Variants in XKR6 observed in about 807,000 individuals in gnomAD.
XKR6 encodes the protein XK related 6.
Under a neutral mutation model 56.7 loss-of-function variants are expected in XKR6, and 22 were observed. The ratio of observed to expected loss-of-function variants is 0.39; its 90% confidence interval spans 0.28 to 0.55. The LOEUF is 0.55. Ranked by LOEUF, XKR6 falls within the 20% of genes least tolerant of loss-of-function variation. The pLI is 0.66. For synonymous variants in XKR6, 524 were observed against 387.8 expected, an observed-to-expected ratio of 1.35 and a Z score of -4.13; for missense variants, 852 against 889.0, an observed-to-expected ratio of 0.96 and a Z score of 0.53.
At chr8:10,958,560 C>T (rs1027061609) in intron 1 of XKR6, among the ~76,000 whole-genome samples, 3 of 152,090 alleles carry the variant, frequency 2.0e-5, no homozygotes, top group Non-Finnish European at 4.4e-5. Flanking sequence ...TGCCAGCACC[C>T]ATGAGGGAAA....
intron 1 of XKR6, among the ~76,000 whole-genome samples, chr8:11,038,399 T>G (rs1563361758): frequency 6.6e-6 from 1 of 152,010 alleles, no homozygotes; most frequent in Non-Finnish European, 1.5e-5. Context: ...TATAATTAAA[T>G]CAGAGAGCAG....
In XKR6 at chr8:11,067,393, TCTC is replaced by T. The variant is rs377457638; in HGVS notation, c.764+133180_764+133182del. Among the ~76,000 whole-genome samples, 16 of 152,274 alleles carry T rather than the reference TCTC, an allele frequency of 1.1e-4. No individual in the cohort carries two copies. In the East Asian group the frequency reaches 1.4e-3, roughly 13 times the overall value. On this transcript the variant is annotated intron_variant, in intron 1 of 2. Transcript: ENST00000416569. The stretch of plus-strand genomic sequence containing the variant: ...CCCGGGTGATCTCAACCCAGGCACT[TCTC>T]CTCGAAGCATCAGAGTCCCATTTGA...
At chr8:11,099,499 G>A (rs1424162117) in intron 1 of XKR6, among the ~76,000 whole-genome samples, 2 of 152,230 alleles carry the variant, frequency 1.3e-5, no homozygotes, top group Non-Finnish European at 2.9e-5. Flanking sequence ...AGCCCTGCCT[G>A]GAGAGCGAGC....
chr8:11,071,120 AT>A (rs992484236), intron 1 of XKR6, among the ~76,000 whole-genome samples: 8 of 152,212 alleles, frequency 5.3e-5, no homozygotes, highest in Non-Finnish European at 8.8e-5. Flanking sequence ...CTCATATCAC[AT>A]TCTCAAAGCT....
chr8:11,089,202 C>T (rs1331520350), intron 1 of XKR6, among the ~76,000 whole-genome samples: 3 of 152,146 alleles, frequency 2.0e-5, no homozygotes, highest in African/African-American at 7.2e-5. Flanking sequence ...GTGTTCAGAC[C>T]TTGTCTGATC....
At chr8:11,167,876 A>T (rs1230635044) in intron 1 of XKR6, among the ~76,000 whole-genome samples, 2 of 148,290 alleles carry the variant, frequency 1.3e-5, no homozygotes, top group African/African-American at 5.0e-5. Context: ...GTGACAGAGT[A>T]AGACCCCATC....
At chr8:11,088,892 G>T (rs368357412) in intron 1 of XKR6, among the ~76,000 whole-genome samples, 3 of 152,202 alleles carry the variant, frequency 2.0e-5, no homozygotes, top group African/African-American at 7.2e-5. Flanking sequence ...TTTGTGAAAG[G>T]TGTGATTATT....
intron 1 of XKR6, among the ~76,000 whole-genome samples, chr8:10,948,818 G>C (rs1160804436): frequency 1.3e-5 from 2 of 152,242 alleles, no homozygotes; most frequent in African/African-American, 4.8e-5. Context: ...CATCTGTGTT[G>C]CTTCCTGGGG....
intron 2 of XKR6, among the ~76,000 whole-genome samples, chr8:10,910,352 C>T (rs12550303): frequency 1.3e-5 from 2 of 152,072 alleles, no homozygotes; most frequent in Admixed American, 6.5e-5. Context: ...AAGAATTCCC[C>T]CTGAGAAGTG....
At chr8:11,045,503 T>G (rs1269626085) in intron 1 of XKR6, among the ~76,000 whole-genome samples, 1 of 152,234 alleles carries the variant, frequency 6.6e-6, no homozygotes, top group African/African-American at 2.4e-5. Flanking sequence ...AGGGTCTGTG[T>G]GACTAGTTAT....
intron 1 of XKR6, among the ~76,000 whole-genome samples, chr8:11,148,080 T>A (rs1801080559): frequency 6.6e-6 from 1 of 151,932 alleles, no homozygotes; most frequent in Middle Eastern, 3.2e-3. Flanking sequence ...CGTGGTGGCA[T>A]GCACCTGTAG....
intron 1 of XKR6, among the ~76,000 whole-genome samples, chr8:11,130,330 T>C (rs1156690661): frequency 6.6e-6 from 1 of 152,116 alleles, no homozygotes; most frequent in Non-Finnish European, 1.5e-5. Flanking sequence ...TTCGGGATTT[T>C]TACGTTTTCC....
intron 1 of XKR6, among the ~76,000 whole-genome samples, chr8:11,090,218 G>C (rs992087344): frequency 1.3e-5 from 2 of 152,112 alleles, no homozygotes; most frequent in African/African-American, 4.8e-5. Context: ...TCACGTAGCT[G>C]AGACTAGAGG....
At chr8:10,927,333 C>T (rs1800919763) in intron 1 of XKR6, among the ~76,000 whole-genome samples, 1 of 152,090 alleles carries the variant, frequency 6.6e-6, no homozygotes, top group Non-Finnish European at 1.5e-5. Flanking sequence ...CCGTGTGTCT[C>T]CCAGATCAGA....
intron 1 of XKR6, among the ~76,000 whole-genome samples, chr8:10,982,685 A>T (rs951274365): frequency 6.6e-5 from 10 of 152,202 alleles, no homozygotes; most frequent in East Asian, 1.9e-4. Flanking sequence ...TCTACAAAAG[A>T]ATCTGAAGCT....
chr8:10,935,727 T>C (rs1459317649), intron 1 of XKR6, among the ~76,000 whole-genome samples: 1 of 147,834 alleles, frequency 6.8e-6, no homozygotes, highest in African/African-American at 2.5e-5. Context: ...AGATTCTTAA[T>C]CCTGAGTTCT....
intron 1 of XKR6, among the ~76,000 whole-genome samples, chr8:10,988,987 C>A (rs148189386): frequency 6.6e-6 from 1 of 152,312 alleles, no homozygotes; most frequent in Admixed American, 6.5e-5. Flanking sequence ...TTGCTTGACA[C>A]GAGCAATAGA....
chr8:11,126,252 A>T (rs1586582535), intron 1 of XKR6, among the ~76,000 whole-genome samples: 1 of 151,894 alleles, frequency 6.6e-6, no homozygotes, highest in South Asian at 2.1e-4. Flanking sequence ...TATTTTTAGT[A>T]AAGACGGGGT....
chr8:10,899,183 G>C (rs191324176), intron 2 of XKR6, among the ~76,000 whole-genome samples: 126 of 152,320 alleles, frequency 8.3e-4, no homozygotes, highest in African/African-American at 2.8e-3. Flanking sequence ...TGTTTTGCTA[G>C]GGGGCTGAGA....
Sources: gnomAD v4.1 joint callset for allele counts (sites outside exome capture counted in the v4.1 genomes callset) on GRCh38, gnomAD v4.1.1 for gene constraint, MANE v1.5 for transcripts, NCBI Gene and HGNC (gene_info 2026-07-23, HGNC 2026-07-21) for gene names.